KCNH7: variants seen among roughly 807,000 people sequenced by gnomAD.
KCNH7 encodes voltage-gated inwardly rectifying potassium channel KCNH7.
In KCNH7, 49 loss-of-function variants were observed where a neutral mutation model predicts 120.8. That is an observed-to-expected ratio of 0.41 (90% CI 0.32 to 0.51). The LOEUF is 0.51. Ranked by LOEUF, KCNH7 falls within the 20% of genes least tolerant of loss-of-function variation. KCNH7 has a pLI of 0.38. For synonymous variants in KCNH7, 547 were observed against 516.1 expected (o/e 1.06, Z -0.81); for missense variants, 1,097 against 1,446.6 (o/e 0.76, Z 3.92).
chr2:162,603,863 A>G lies in KCNH7; in HGVS notation c.308-66783T>C, dbSNP rs550743422. On this transcript the variant is annotated intron_variant, in intron 2 of 15. Transcript: ENST00000332142. ...TACCTTAATAAACTTTACTAGTATT[A>G]CATTTAAAAACATATAAAATATTTG... is the stretch of plus-strand genomic sequence containing the variant. Among the ~76,000 whole-genome samples, 5 of 151,778 alleles carry G rather than the reference A, an allele frequency of 3.3e-5. No homozygotes were observed. The East Asian group carries it at 9.6e-4, about 29-fold the overall frequency.
intron 2 of KCNH7, among the ~76,000 whole-genome samples, chr2:162,698,860 G>T (rs1314741361): frequency 2.0e-5 from 3 of 151,986 alleles, no homozygotes; most frequent in African/African-American, 4.8e-5. Context: ...ATTTTCTCAA[G>T]TTTATGTTTT....
chr2:162,497,411 T>G (rs1045125646), intron 6 of KCNH7, among the ~76,000 whole-genome samples: 59 of 152,092 alleles, frequency 3.9e-4, no homozygotes, highest in African/African-American at 1.2e-3. Context: ...GTATATAAAT[T>G]TAAACAAGAG....
intron 2 of KCNH7, among the ~76,000 whole-genome samples, chr2:162,825,203 G>A (rs934813756): frequency 2.0e-5 from 3 of 152,108 alleles, no homozygotes; most frequent in Non-Finnish European, 4.4e-5. Flanking sequence ...ACTGAAGCTG[G>A]TGTGAAGTGG....
At chr2:162,505,948 A>G (rs1261328697) in intron 5 of KCNH7, among the ~76,000 whole-genome samples, 1 of 151,934 alleles carries the variant, frequency 6.6e-6, no homozygotes. Flanking sequence ...TAAGAAATCA[A>G]TGCTCATCAT....
chr2:162,379,738 A>G, intron 14 of KCNH7, 115 bp downstream of exon 14: 1 of 980,648 alleles, frequency 1.0e-6, no homozygotes, highest in Non-Finnish European at 1.5e-6. Flanking sequence ...AAATAAGTAA[A>G]TGTATAAGGA....
chr2:162,719,682 G>A (rs1687256004), intron 2 of KCNH7, among the ~76,000 whole-genome samples: 1 of 151,928 alleles, frequency 6.6e-6, no homozygotes, highest in Non-Finnish European at 1.5e-5. Context: ...ATGTGGGCTG[G>A]TTACTAAATA....
intron 2 of KCNH7, among the ~76,000 whole-genome samples, chr2:162,808,124 A>G (rs991872366): frequency 6.6e-6 from 1 of 152,210 alleles, no homozygotes. Context: ...CATATAACCT[A>G]CACACATCTC....
At chr2:162,585,438 A>G (rs1183272264) in intron 2 of KCNH7, among the ~76,000 whole-genome samples, 2 of 152,084 alleles carry the variant, frequency 1.3e-5, no homozygotes, top group Non-Finnish European at 2.9e-5. Flanking sequence ...AAAATGTAAT[A>G]AAATGGAACA....
chr2:162,464,884 A>G (rs963370165), intron 6 of KCNH7, among the ~76,000 whole-genome samples: 8 of 152,114 alleles, frequency 5.3e-5, no homozygotes, highest in Admixed American at 2.0e-4. Context: ...GTGGTTCCCC[A>G]ACCCTTGGAG....
intron 6 of KCNH7, among the ~76,000 whole-genome samples, chr2:162,497,614 A>G (rs906641238): frequency 6.6e-6 from 1 of 152,180 alleles, no homozygotes; most frequent in Non-Finnish European, 1.5e-5. Context: ...GATATATTTT[A>G]GAGAATGAGA....
chr2:162,508,877 G>A (rs1690973240), intron 5 of KCNH7, among the ~76,000 whole-genome samples: 1 of 151,444 alleles, frequency 6.6e-6, no homozygotes, highest in South Asian at 2.1e-4. Context: ...AAATTTAAAG[G>A]AAATGAATGG....
At chr2:162,742,849 G>T (rs1688186400) in intron 2 of KCNH7, among the ~76,000 whole-genome samples, 1 of 152,284 alleles carries the variant, frequency 6.6e-6, no homozygotes, top group East Asian at 1.9e-4. Context: ...TCCAATTCAG[G>T]TAGTGGAAGG....
rs147180592 is a variant in KCNH7, at chr2:162,551,608, A to G, written c.308-14528T>C. On this transcript the variant is annotated intron_variant, in intron 2 of 15. Transcript: ENST00000332142. Reference sequence around the variant, plus strand: ...TCACTGAGAATATACTAAGGGAAAAAGAGGAAATTCAGCTAAAAATTATTC... The same window carrying G: ...TCACTGAGAATATACTAAGGGAAAAGGAGGAAATTCAGCTAAAAATTATTC... 8.8e-3 allele frequency among the ~76,000 whole-genome samples: 1,340 copies of G among 152,270 alleles called. 31 individuals are homozygous for G. Among genetic ancestry groups the G allele is most frequent in the African/African-American group, 0.03 (1,234 of 41,554 alleles).
At chr2:162,697,420 T>C (rs1349807528) in intron 2 of KCNH7, among the ~76,000 whole-genome samples, 1 of 152,160 alleles carries the variant, frequency 6.6e-6, no homozygotes, top group Non-Finnish European at 1.5e-5. Context: ...ATTGAAATAA[T>C]TTTAAACACA....
intron 2 of KCNH7, among the ~76,000 whole-genome samples, chr2:162,746,832 T>C (rs1267739292): frequency 1.3e-5 from 2 of 152,134 alleles, no homozygotes; most frequent in African/African-American, 2.4e-5. Context: ...ACTTGAGTTG[T>C]CCATGAAGCC....
chr2:162,815,051 C>A (rs1349755704), intron 2 of KCNH7, among the ~76,000 whole-genome samples: 4 of 152,118 alleles, frequency 2.6e-5, no homozygotes, highest in Non-Finnish European at 5.9e-5. Context: ...CCCCCAATAA[C>A]TAAGTAACAA....
intron 6 of KCNH7, among the ~76,000 whole-genome samples, chr2:162,459,006 A>AT (rs1261388780): frequency 2.8e-4 from 32 of 116,298 alleles, no homozygotes; most frequent in African/African-American, 9.7e-4. Flanking sequence ...ATTCTGTTTC[A>AT]AAATAATAAT....
intron 2 of KCNH7, among the ~76,000 whole-genome samples, chr2:162,610,828 A>G (rs1397623937): frequency 6.6e-6 from 1 of 152,212 alleles, no homozygotes; most frequent in African/African-American, 2.4e-5. Context: ...AGAAATTAGG[A>G]TTTGTCATAG....
intron 2 of KCNH7, among the ~76,000 whole-genome samples, chr2:162,591,517 C>A (rs1001000394): frequency 2.0e-5 from 3 of 151,998 alleles, no homozygotes; most frequent in Admixed American, 2.0e-4. Context: ...AAAAAACAGA[C>A]CCCATGCAAG....
Sources: gnomAD v4.1 joint callset for allele counts (sites outside exome capture counted in the v4.1 genomes callset) on GRCh38, gnomAD v4.1.1 for gene constraint, MANE v1.5 for transcripts, NCBI Gene and HGNC (gene_info 2026-07-23, HGNC 2026-07-21) for gene names.